DENND5B: variants seen among roughly 807,000 people sequenced by gnomAD.
DENND5B encodes the protein DENN domain containing 5B.
Under a neutral mutation model 140.6 loss-of-function variants are expected in DENND5B, and 34 were observed. The ratio of observed to expected loss-of-function variants is 0.24; its 90% CI spans 0.18 to 0.32. DENND5B has a LOEUF of 0.32. Among genes scored for constraint, DENND5B ranks in the 10% least tolerant of loss-of-function variants. The pLI is 1.00. For synonymous variants in DENND5B, 551 were observed against 562.1 expected, an observed-to-expected ratio of 0.98 and a Z score of 0.28; for missense variants, 1,142 against 1,560.2, an observed-to-expected ratio of 0.73 and a Z score of 4.52.
chr12:31,417,941 A>AT (rs1384728470), intron 11 of DENND5B, among the ~76,000 whole-genome samples: 1 of 152,218 alleles, frequency 6.6e-6, no homozygotes, highest in African/African-American at 2.4e-5. Flanking sequence ...ACCAAAACAC[A>AT]TAAATATATA....
intron 6 of DENND5B, among the ~76,000 whole-genome samples, chr12:31,443,190 T>C (rs793187): frequency 0.92 from 140,372 of 152,174 alleles, 65,323 homozygotes; most frequent in East Asian, 0.99. Flanking sequence ...ATCCTCCTGC[T>C]TCAGCCTCCC....
rs756290045 is a variant in DENND5B at position 31,387,555 on chromosome 12, AGTTGGG to A, written c.*42_*47del. Reference sequence around the variant, plus strand: ...TCAGACAAGTCCAAATCGGTCCCCTAGTTGGGGAAGGAGCAAGGTTTGGACTGAGAG... The same window carrying A: ...TCAGACAAGTCCAAATCGGTCCCCTAGAAGGAGCAAGGTTTGGACTGAGAG... On this transcript the variant is annotated 3_prime_UTR_variant, in exon 21 of 21. Coordinates refer to ENST00000389082, the MANE Select transcript of DENND5B (RefSeq NM_144973.4). 1.3e-6 allele frequency: 2 copies of A among 1,580,302 alleles called. No individual in the cohort carries two copies. Among genetic ancestry groups the A allele is most frequent in the South Asian group, 2.3e-5 (2 of 86,474 alleles).
At chr12:31,389,547 A>C in intron 19 of DENND5B, 49 bp from the exon 20 acceptor site, 1 of 1,494,148 alleles carries the variant, frequency 6.7e-7, no homozygotes, top group Non-Finnish European at 9.1e-7. Context: ...AACACTTCAT[A>C]TATAGAAAGA....
At chr12:31,553,815 T>C (rs1949163978) in intron 1 of DENND5B, among the ~76,000 whole-genome samples, 1 of 152,270 alleles carries the variant, frequency 6.6e-6, no homozygotes, top group African/African-American at 2.4e-5. Context: ...TACCATTATG[T>C]AATGGCCTTC....
In DENND5B at chr12:31,468,317, CT is replaced by C. The variant is rs1945374438; in HGVS notation, c.905-7937del. 4.0e-5 allele frequency among the ~76,000 whole-genome samples: 6 copies of C among 151,870 alleles called. No homozygotes were observed. The South Asian group carries it at 1.2e-3, about 32-fold the overall frequency. On this transcript the variant is annotated intron_variant, in intron 3 of 20. Coordinates refer to ENST00000389082, the MANE Select transcript of DENND5B (RefSeq NM_144973.4). The stretch of plus-strand genomic sequence containing the variant: ...ATAATGAAAGTATCAGATACTAAGA[CT>C]TGTGGGATGTAGCTAACACAGGACT...
intron 1 of DENND5B, among the ~76,000 whole-genome samples, chr12:31,553,732 T>C (rs1592037994): frequency 1.3e-5 from 2 of 152,248 alleles, no homozygotes; most frequent in East Asian, 1.9e-4. Flanking sequence ...ACTTGCTTTA[T>C]GAATCTGGGT....
At chr12:31,589,582 T>C (rs747324552) in intron 1 of DENND5B, among the ~76,000 whole-genome samples, 1 of 152,154 alleles carries the variant, frequency 6.6e-6, no homozygotes, top group Non-Finnish European at 1.5e-5. Context: ...ATTTAATATA[T>C]TCTTCCCAGT....
intron 1 of DENND5B, among the ~76,000 whole-genome samples, chr12:31,567,639 T>C (rs1949676684): frequency 6.6e-6 from 1 of 152,064 alleles, no homozygotes. Context: ...GGCTACAGTT[T>C]TGAGCAAGCC....
At chr12:31,456,994 G>A (rs1944805683) in intron 4 of DENND5B, among the ~76,000 whole-genome samples, 1 of 152,166 alleles carries the variant, frequency 6.6e-6, no homozygotes, top group African/African-American at 2.4e-5. Context: ...TGAGGTGGGA[G>A]GATCTCCTGA....
At chr12:31,483,806 A>C (rs920561439) in intron 2 of DENND5B, among the ~76,000 whole-genome samples, 1 of 151,016 alleles carries the variant, frequency 6.6e-6, no homozygotes, top group African/African-American at 2.4e-5. Flanking sequence ...TGTTTATTTT[A>C]GATTTTAGAC....
intron 14 of DENND5B, among the ~76,000 whole-genome samples, chr12:31,407,385 T>C (rs1485611220): frequency 6.6e-6 from 1 of 152,208 alleles, no homozygotes; most frequent in Non-Finnish European, 1.5e-5. Context: ...TGCCTTGGCC[T>C]CCCAAAGCGC....
chr12:31,504,232 TTTAAC>T (rs1947111317), intron 1 of DENND5B, among the ~76,000 whole-genome samples: 1 of 152,236 alleles, frequency 6.6e-6, no homozygotes, highest in African/African-American at 2.4e-5. Context: ...TGACTAATTT[TTTAAC>T]TTAACATACT....
Position 31,392,314 on chromosome 12 carries a change from T to C in DENND5B, c.3419A>G (p.Lys1140Arg). Reference protein sequence around the residue: ...ALEQVFHHGFKSARIFHKNVF... With the variant: ...ALEQVFHHGFRSARIFHKNVF... ...ATTCTTGTGAAAGATGCGGGCAGAT[T>C]TGAACCCATGGTGGAAAACTTGCTC... Residue 1140 changes from lysine to arginine, a missense_variant, in exon 19 of 21, where the codon AAA (lysine) becomes AGA (arginine). Around this residue, in one of 5 missense-constraint regions of DENND5B, gnomAD observed 125 missense variants for 179.0 expected, o/e 0.70. Coordinates refer to ENST00000389082, the MANE Select transcript of DENND5B (RefSeq NM_144973.4). 6.2e-7 allele frequency: 1 copy of C among 1,613,818 alleles called. No homozygotes were observed. The highest frequency in any genetic ancestry group is 8.5e-7 in the Non-Finnish European group (1 of 1,179,852).
chr12:31,457,238 A>C (rs1259540200), intron 4 of DENND5B, among the ~76,000 whole-genome samples: 1 of 152,222 alleles, frequency 6.6e-6, no homozygotes, highest in East Asian at 1.9e-4. Flanking sequence ...CCATGCAATT[A>C]ATCTTCAGTG....
intron 3 of DENND5B, among the ~76,000 whole-genome samples, chr12:31,472,950 A>T (rs968006704): frequency 2.7e-5 from 4 of 145,562 alleles, no homozygotes; most frequent in African/African-American, 1.1e-4. Flanking sequence ...AGTCTTTTTA[A>T]AAAAAAAAAG....
chr12:31,541,847 TA>T (rs1413457386), intron 1 of DENND5B, among the ~76,000 whole-genome samples: 1 of 152,176 alleles, frequency 6.6e-6, no homozygotes, highest in African/African-American at 2.4e-5. Flanking sequence ...TACTTATACA[TA>T]ATGGAGCACT....
chr12:31,393,757 G>A (rs708216), intron 17 of DENND5B, among the ~76,000 whole-genome samples: 141,165 of 152,238 alleles, frequency 0.93, 65,910 homozygotes, highest in East Asian at 0.99. Flanking sequence ...GTGCAATGTC[G>A]GCTCACTGCA....
intron 1 of DENND5B, among the ~76,000 whole-genome samples, chr12:31,572,184 A>C (rs1439962659): frequency 1.3e-5 from 2 of 151,946 alleles, no homozygotes; most frequent in Non-Finnish European, 2.9e-5. Flanking sequence ...AGATCACAAC[A>C]CTGCACTCCA....
At chr12:31,403,603 AAG>A (rs1491077603) in intron 14 of DENND5B, among the ~76,000 whole-genome samples, 9 of 140,852 alleles carry the variant, frequency 6.4e-5, no homozygotes, top group East Asian at 2.1e-4. Context: ...AGAAAAAAAA[AAG>A]AAAGAAAAAA....
Sources: gnomAD v4.1 joint callset for allele counts (sites outside exome capture counted in the v4.1 genomes callset) on GRCh38, gnomAD v4.1.1 for gene constraint, gnomAD v4.1.1 regional missense constraint, MANE v1.5 for transcripts, NCBI Gene and HGNC (gene_info 2026-07-23, HGNC 2026-07-21) for gene names.